The following CEP76 variants were observed in gnomAD, a reference collection of about 807,000 sequenced individuals.
The protein encoded by CEP76 is centrosomal protein of 76 kDa.
Under a neutral mutation model 83.3 loss-of-function variants are expected in CEP76, and 55 were observed. The ratio of observed to expected loss-of-function variants is 0.66; its 90% CI spans 0.53 to 0.83. The LOEUF (loss-of-function observed/expected upper bound fraction) is 0.83. CEP76 is among the 40% of genes least tolerant of loss of function. CEP76 has a pLI of 0.00. For synonymous variants in CEP76, 270 were observed against 274.5 expected (o/e 0.98, Z 0.16); for missense variants, 694 against 799.5 (o/e 0.87, Z 1.59).
chr18:12,683,839 A>C (rs1030310164), intron 8 of CEP76, among the ~76,000 whole-genome samples: 1 of 152,092 alleles, frequency 6.6e-6, no homozygotes, highest in Admixed American at 6.6e-5. Flanking sequence ...GCAAGATACA[A>C]AAATTTATTT....
At chr18:12,678,479 A>C in intron 9 of CEP76, 37 bp from the exon 10 acceptor site, 1 of 1,406,550 alleles carries the variant, frequency 7.1e-7, no homozygotes, top group East Asian at 2.5e-5. Flanking sequence ...TGAGAACTTA[A>C]AAATTAAAAA....
At position 12,664,463 on chromosome 18, in the gene CEP76, T is replaced by C. The variant is rs189865553; in HGVS notation, c.*1728-2294A>G. 5.4e-3 allele frequency among the ~76,000 whole-genome samples: 814 copies of C among 151,890 alleles called. 5 individuals are homozygous for C. Among genetic ancestry groups the C allele is most frequent in the African/African-American group, 0.019 (786 of 41,478 alleles). ...TACTCAGGAGGCTGAGGCAGGAGAA[T>C]TGCTTGAACCCGGGAGGCAGAGATC... On this transcript the variant is annotated intron_variant and NMD_transcript_variant, in intron 12 of 12. Transcript: ENST00000590143.
At chr18:12,666,631 G>A (rs2038809643) in intron 12 of CEP76, among the ~76,000 whole-genome samples, 1 of 150,810 alleles carries the variant, frequency 6.6e-6, no homozygotes, top group Admixed American at 6.6e-5. Flanking sequence ...TGTATTTTTG[G>A]TAGAGACAGG....
At chr18:12,661,967 G>C in exon 13 of CEP76, 1 of 254,568 alleles carries the variant, frequency 3.9e-6, no homozygotes, top group Non-Finnish European at 8.0e-6. Context: ...ATTTTGTTTT[G>C]TTGATTTTGT....
chr18:12,689,952 C>G (rs1362439033), intron 7 of CEP76, among the ~76,000 whole-genome samples: 1 of 152,152 alleles, frequency 6.6e-6, no homozygotes, highest in Non-Finnish European at 1.5e-5. Context: ...CCAAGCCTGG[C>G]TAATTTTTGT....
intron 12 of CEP76, among the ~76,000 whole-genome samples, chr18:12,667,531 G>A (rs1417544774): frequency 6.6e-6 from 1 of 152,170 alleles, no homozygotes; most frequent in Non-Finnish European, 1.5e-5. Context: ...GGAGGCCAAG[G>A]CAGGTGGATC....
downstream of CEP76, chr18:12,670,941 GC>G (rs2038926847): frequency 6.6e-6 from 1 of 151,870 alleles, no homozygotes; most frequent in Non-Finnish European, 1.5e-5. Context: ...GAACCACTAT[GC>G]TTTAAAAAAA....
chr18:12,673,457 G>T lies in CEP76; in HGVS notation c.1888C>A (p.Arg630=). The change falls in exon 12 of 12, where the codon CGA becomes AGA. Residue 630 remains arginine (R), a synonymous_variant. Coordinates refer to ENST00000262127, the MANE Select transcript of CEP76 (RefSeq NM_024899.4). The part of the protein sequence containing the change: ...EIICCRGDQV[R]LAVRVRVFTY... ...AATACTCGGACACGAACTGCCAGTC[G>T]CACTTGGTCTCCACGGCAACAGATT... 2 of 1,588,410 alleles carry T rather than the reference G, an allele frequency of 1.3e-6. No homozygotes were observed. The highest frequency in any genetic ancestry group is 1.4e-5 in the African/African-American group (1 of 72,842).
At position 12,689,110 on chromosome 18, in the gene CEP76, A is replaced by G. The variant is rs2039653864; in HGVS notation, c.933+2249T>C. On this transcript the variant is annotated intron_variant, in intron 7 of 11. Coordinates refer to ENST00000262127, the MANE Select transcript of CEP76 (RefSeq NM_024899.4). Reference sequence around the variant, plus strand: ...CCCTGGGTGACTGAGACTCTGTCTCACAACAACAACAAAAAAAAGTTCTTT... The same window carrying G: ...CCCTGGGTGACTGAGACTCTGTCTCGCAACAACAACAAAAAAAAGTTCTTT... Among the ~76,000 whole-genome samples, 5 of 151,612 alleles carry G rather than the reference A, an allele frequency of 3.3e-5. No homozygotes were observed. The South Asian group carries it at 1.0e-3, about 31-fold the overall frequency.
intron 3 of CEP76, among the ~76,000 whole-genome samples, chr18:12,699,461 T>C (rs1020741042): frequency 6.6e-6 from 1 of 152,182 alleles, no homozygotes; most frequent in African/African-American, 2.4e-5. Flanking sequence ...AGAGCCAATA[T>C]GTAGTATACT....
At chr18:12,665,871 AT>A (rs1376342367) in intron 12 of CEP76, among the ~76,000 whole-genome samples, 1 of 152,056 alleles carries the variant, frequency 6.6e-6, no homozygotes, top group Non-Finnish European at 1.5e-5. Flanking sequence ...TAATTTTTGT[AT>A]TTTTAGTAGA....
chr18:12,677,697 G>A (rs1238943439), intron 10 of CEP76, among the ~76,000 whole-genome samples: 1 of 151,966 alleles, frequency 6.6e-6, no homozygotes, highest in Non-Finnish European at 1.5e-5. Context: ...GGGCTCAAGC[G>A]ATCCACCCAC....
chr18:12,680,860 C>A (rs780477208), intron 8 of CEP76, 32 bp from the exon 9 acceptor site: 1 of 1,560,370 alleles, frequency 6.4e-7, no homozygotes, highest in South Asian at 1.2e-5. Flanking sequence ...AGTATTCATT[C>A]TTCCATATTA....
At chr18:12,700,690 C>A (rs2542174) in intron 2 of CEP76, among the ~76,000 whole-genome samples, 24,624 of 151,962 alleles carry the variant, frequency 0.16, 2,084 homozygotes, top group Admixed American at 0.24. Flanking sequence ...TATGTATATT[C>A]AAATTTACAG....
At chr18:12,698,668 T>C (rs939089853) in intron 4 of CEP76, 4 of 239,280 alleles carry the variant, frequency 1.7e-5, no homozygotes, top group Non-Finnish European at 2.4e-5. Context: ...AGAAGGACCA[T>C]GTCTCATTTT....
At chr18:12,667,606 CA>C (rs537378044) in intron 12 of CEP76, among the ~76,000 whole-genome samples, 63 of 149,900 alleles carry the variant, frequency 4.2e-4, no homozygotes, top group African/African-American at 1.5e-3. Flanking sequence ...AGTAAAAATA[CA>C]AAAATTAGCC....
Position 12,702,625 on chromosome 18 carries a change from G to C in CEP76, c.-77C>G, listed in dbSNP as rs1040421709. ...TGCGCGGCCCCGGCCGGGCCAGGGA[G>C]CGTTAGGAGCGACTGGAGCACAAAG... On this transcript the variant is annotated 5_prime_UTR_variant, in exon 1 of 12. Coordinates refer to ENST00000262127, the MANE Select transcript of CEP76 (RefSeq NM_024899.4). 10 of 1,481,410 alleles carry C rather than the reference G, an allele frequency of 6.8e-6. No individual in the cohort carries two copies. In the Admixed American group the frequency reaches 8.4e-5, roughly 13 times the overall value. 91.8% of individuals were successfully genotyped at this position (1,481,410 alleles called of 1,614,324 possible).
chr18:12,687,806 G>A (rs1316709509), intron 7 of CEP76, among the ~76,000 whole-genome samples: 1 of 152,020 alleles, frequency 6.6e-6, no homozygotes, highest in African/African-American at 2.4e-5. Flanking sequence ...TTGGGGGGAT[G>A]TAGAGAACTA....
At chr18:12,700,896 G>A (rs2040127274) in intron 2 of CEP76, 62 bp downstream of exon 2, 6 of 1,358,832 alleles carry the variant, frequency 4.4e-6, no homozygotes, top group East Asian at 2.3e-5. Context: ...AACCTTATAA[G>A]TAGTGTTACG....
Sources: gnomAD v4.1 joint callset for allele counts (sites outside exome capture counted in the v4.1 genomes callset) on GRCh38, gnomAD v4.1.1 for gene constraint, MANE v1.5 for transcripts, NCBI Gene and HGNC (gene_info 2026-07-23, HGNC 2026-07-21) for gene names.